Variants in NAALADL2 observed in about 807,000 individuals in gnomAD.
NAALADL2 encodes the protein N-acetylated alpha-linked acidic dipeptidase like 2, also known as inactive N-acetylated-alpha-linked acidic dipeptidase-like protein 2.
Under a neutral mutation model 87.2 loss-of-function variants are expected in NAALADL2, and 76 were observed. The ratio of observed to expected loss-of-function variants is 0.87; its 90% CI spans 0.72 to 1.05. The LOEUF (loss-of-function observed/expected upper bound fraction) is 1.05, where lower values mean the gene tolerates loss of function less well. Ranked by LOEUF, NAALADL2 falls within the 50% of genes least tolerant of loss-of-function variation. NAALADL2 has a pLI of 0.00. For missense variants in NAALADL2, 1,089 were observed against 945.8 expected, an observed-to-expected ratio of 1.15 and a Z score of -1.99; for synonymous variants, 354 against 331.0, an observed-to-expected ratio of 1.07 and a Z score of -0.75.
intron 1 of NAALADL2, among the ~76,000 whole-genome samples, chr3:174,900,660 A>T (rs1940087227): frequency 1.3e-5 from 2 of 152,058 alleles, no homozygotes; most frequent in Non-Finnish European, 2.9e-5. Context: ...TAAACATTTT[A>T]TACCTTATGT....
chr3:175,185,210 C>T (rs1481953933), intron 2 of NAALADL2, among the ~76,000 whole-genome samples: 2 of 152,066 alleles, frequency 1.3e-5, no homozygotes, highest in African/African-American at 4.8e-5. Flanking sequence ...TATTTCCATT[C>T]TGATAAATTG....
intron 1 of NAALADL2, among the ~76,000 whole-genome samples, chr3:174,914,361 C>A (rs895463793): frequency 6.6e-6 from 1 of 152,020 alleles, no homozygotes; most frequent in Non-Finnish European, 1.5e-5. Context: ...CCATGCCCGG[C>A]CTGGCTTTAT....
chr3:174,544,774 T>C (rs2108475727), intron 1 of NAALADL2, among the ~76,000 whole-genome samples: 1 of 152,030 alleles, frequency 6.6e-6, no homozygotes, highest in Admixed American at 6.6e-5. Context: ...TTTCACCGTG[T>C]TGGCCAGGAG....
intron 2 of NAALADL2, among the ~76,000 whole-genome samples, chr3:174,668,253 T>A (rs1169079999): frequency 6.6e-6 from 1 of 152,142 alleles, no homozygotes; most frequent in Non-Finnish European, 1.5e-5. Flanking sequence ...ATATTCTGGA[T>A]GTTAGCCTCT....
At chr3:175,409,785 T>C (rs764160330) in intron 5 of NAALADL2, among the ~76,000 whole-genome samples, 98 of 152,162 alleles carry the variant, frequency 6.4e-4, no homozygotes, top group Non-Finnish European at 9.6e-4. Flanking sequence ...TATTTAATGA[T>C]GTATAAACTT....
intron 2 of NAALADL2, among the ~76,000 whole-genome samples, chr3:175,205,851 C>T (rs1026824820): frequency 5.9e-5 from 9 of 151,770 alleles, no homozygotes; most frequent in Non-Finnish European, 1.3e-4. Context: ...AAAAAATGCC[C>T]AACATCACTA....
intron 2 of NAALADL2, among the ~76,000 whole-genome samples, chr3:175,132,985 G>A (rs1728396594): frequency 6.6e-6 from 1 of 151,802 alleles, no homozygotes; most frequent in Admixed American, 6.6e-5. Context: ...GCCGGGCAGA[G>A]ACGCTCCTCA....
chr3:175,245,030 A>G (rs1423484940), intron 3 of NAALADL2, among the ~76,000 whole-genome samples: 2 of 152,188 alleles, frequency 1.3e-5, no homozygotes, highest in African/African-American at 4.8e-5. Flanking sequence ...AGAAAATGAA[A>G]TAATTATCTC....
In NAALADL2 at chr3:174,698,248, A is replaced by AT. The variant is rs72284854; in HGVS notation, c.-114-39384dup. Reference sequence around the variant, plus strand: ...GATTATTTAGTTAATCTGTTTCCATATTTTTTTTTACCTGAAATAGCATTG... The same window carrying AT: ...GATTATTTAGTTAATCTGTTTCCATATTTTTTTTTTACCTGAAATAGCATTG... On this transcript the variant is annotated intron_variant, in intron 2 of 3. Coordinates refer to the NAALADL2 transcript ENST00000434257. 3.4e-3 allele frequency among the ~76,000 whole-genome samples: 512 copies of AT among 151,176 alleles called. 7 individuals are homozygous for AT. Among genetic ancestry groups the AT allele is most frequent in the African/African-American group, 0.01 (431 of 41,272 alleles).
rs1553855433 is a variant in NAALADL2, at chr3:174,787,602, T to TATATATACATATATATATATATACAC, written c.-9+49863_-9+49864insCATATATATATATATACACATATATA. ...ATATATATATATATATATATATATA[T>TATATATACATATATATATATATACAC]ATATATATATATATATATAGTAGTG... On this transcript the variant is annotated intron_variant, in intron 3 of 3. Coordinates refer to the NAALADL2 transcript ENST00000434257. Among the ~76,000 whole-genome samples, 17 of 73,352 alleles carry TATATATACATATATATATATATACAC rather than the reference T, an allele frequency of 2.3e-4. 2 individuals carry two copies. The highest frequency in any genetic ancestry group is 6.7e-4 in the East Asian group (1 of 1,496). The allele number at this position is 73,352 out of a possible 152,430, so 48.1% of individuals were successfully genotyped here.
intron 2 of NAALADL2, among the ~76,000 whole-genome samples, chr3:174,557,990 T>TG (rs1466508240): frequency 2.0e-5 from 3 of 152,128 alleles, no homozygotes; most frequent in Non-Finnish European, 4.4e-5. Flanking sequence ...AGATTTTTAC[T>TG]GGGGAGTGGT....
intron 4 of NAALADL2, among the ~76,000 whole-genome samples, chr3:175,298,302 A>T (rs1756629510): frequency 6.6e-6 from 1 of 152,140 alleles, no homozygotes; most frequent in Admixed American, 6.6e-5. Flanking sequence ...TTGTTAGTAT[A>T]AATTATCAGA....
At chr3:175,427,219 GT>G (rs1378724880) in intron 5 of NAALADL2, among the ~76,000 whole-genome samples, 2 of 152,068 alleles carry the variant, frequency 1.3e-5, no homozygotes, top group Non-Finnish European at 2.9e-5. Context: ...CTGAAAGCCT[GT>G]TTTTAACAAT....
chr3:175,663,125 A>T (rs1732486892), intron 11 of NAALADL2, among the ~76,000 whole-genome samples: 2 of 151,754 alleles, frequency 1.3e-5, no homozygotes, highest in Non-Finnish European at 3.0e-5. Flanking sequence ...AGCAGTGTAT[A>T]CATTAGCTCC....
At chr3:174,525,894 C>T (rs12637269) in intron 1 of NAALADL2, among the ~76,000 whole-genome samples, 102,659 of 151,990 alleles carry the variant, frequency 0.68, 34,963 homozygotes, top group East Asian at 0.86. Flanking sequence ...TTTCTAATCC[C>T]CATAATAATG....
intron 11 of NAALADL2, among the ~76,000 whole-genome samples, chr3:175,667,229 AAG>A (rs747598741): frequency 1.3e-3 from 154 of 117,090 alleles, no homozygotes; most frequent in African/African-American, 5.2e-3. Flanking sequence ...GAAAGAAAGA[AAG>A]AAAGAAAGAA....
At chr3:174,730,422 T>G (rs1329640662) in intron 2 of NAALADL2, among the ~76,000 whole-genome samples, 2 of 152,120 alleles carry the variant, frequency 1.3e-5, no homozygotes, top group African/African-American at 4.8e-5. Context: ...GGCCCGTATT[T>G]TCCATTTATG....
chr3:175,289,252 A>G (rs1380407143), intron 4 of NAALADL2, among the ~76,000 whole-genome samples: 2 of 152,140 alleles, frequency 1.3e-5, no homozygotes, highest in African/African-American at 4.8e-5. Context: ...ACATTCTATT[A>G]AGGTTTACGT....
At chr3:174,999,392 G>A (rs1747937170) in intron 1 of NAALADL2, among the ~76,000 whole-genome samples, 2 of 151,922 alleles carry the variant, frequency 1.3e-5, no homozygotes, top group African/African-American at 2.4e-5. Context: ...TTTCTGTAAT[G>A]TACATGCTTT....
Sources: gnomAD v4.1 joint callset for allele counts (sites outside exome capture counted in the v4.1 genomes callset) on GRCh38, gnomAD v4.1.1 for gene constraint, MANE v1.5 for transcripts, NCBI Gene and HGNC (gene_info 2026-07-23, HGNC 2026-07-21) for gene names.